The following STAC2 variants were observed in gnomAD, a reference collection of about 807,000 sequenced individuals.
STAC2 encodes SH3 and cysteine-rich domain-containing protein 2.
Under a neutral mutation model 49.0 loss-of-function variants are expected in STAC2, and 36 were observed. The observed-to-expected ratio is 0.74, with a 90% CI of 0.56 to 0.97. The LOEUF is 0.97. Among genes scored for constraint, STAC2 ranks in the 50% least tolerant of loss-of-function variants. The pLI is 0.00. For synonymous variants in STAC2, 239 were observed against 214.7 expected, an observed-to-expected ratio of 1.11 and a Z score of -0.99; for missense variants, 527 against 543.8, an observed-to-expected ratio of 0.97 and a Z score of 0.31.
chr17:39,216,860 A>G lies in STAC2; in HGVS notation c.536T>C (p.Val179Ala). 6.2e-7 allele frequency: 1 copy of G among 1,604,546 alleles called. No individual in the cohort carries two copies. ...FRRNFSSPLL[V>A]HEPPPVCATS... ...GGCACAGACTGGTGGCGGCTCATGC[A>G]CCAGGAGAGGGGAACTGAAGTTGCG... The change falls in exon 4 of 11, where the codon GTG (valine) becomes GCG (alanine). Residue 179 changes from valine to alanine, a missense_variant. Transcript: ENST00000333461.
chr17:39,217,259 G>A (rs1402739230), intron 2 of STAC2, 86 bp from the exon 3 acceptor site: 34 of 1,358,664 alleles, frequency 2.5e-5, no homozygotes, highest in Admixed American at 3.5e-5. Flanking sequence ...AGGAGAGCAG[G>A]GGTTGGGCAT....
intron 7 of STAC2, 99 bp downstream of exon 7, chr17:39,214,692 C>T: frequency 7.2e-7 from 1 of 1,397,256 alleles, no homozygotes; most frequent in Non-Finnish European, 9.8e-7. Context: ...CAGTGAATCC[C>T]CACGCACCAT....
At chr17:39,220,795 C>T (rs886760650) in intron 1 of STAC2, among the ~76,000 whole-genome samples, 2 of 148,636 alleles carry the variant, frequency 1.3e-5, no homozygotes, top group East Asian at 4.0e-4. Context: ...TTTTATTTTA[C>T]TTATTTATTT....
chr17:39,213,496 T>G lies in STAC2; in HGVS notation c.993+11A>C. ...ACCAGTGTCCCTCCACTCCCCACCCTGCCAAGTCACCTTCCACCAGTCCTC... is the reference window on the plus strand; with the variant it reads ...ACCAGTGTCCCTCCACTCCCCACCCGGCCAAGTCACCTTCCACCAGTCCTC... On this transcript the variant is annotated intron_variant, in intron 9 of 10. Coordinates refer to ENST00000333461, the MANE Select transcript of STAC2 (RefSeq NM_198993.5). 6.2e-7 allele frequency: 1 copy of G among 1,613,478 alleles called. No homozygotes were observed. Among genetic ancestry groups the G allele is most frequent in the Non-Finnish European group, 8.5e-7 (1 of 1,179,608 alleles).
At chr17:39,224,444 C>T (rs764916944) in intron 1 of STAC2, among the ~76,000 whole-genome samples, 41 of 152,314 alleles carry the variant, frequency 2.7e-4, no homozygotes, top group Non-Finnish European at 5.3e-4. Context: ...GAACTTCTCG[C>T]GGGCCAGTCG....
intron 10 of STAC2, 41 bp from the exon 11 acceptor site, chr17:39,212,437 G>A (rs537197405): frequency 3.9e-5 from 59 of 1,513,662 alleles, no homozygotes; most frequent in Non-Finnish European, 5.3e-5. Context: ...GGCATGGCCT[G>A]CAGCCCTGGC....
At position 39,216,795 on chromosome 17, in the gene STAC2, A is replaced by T. The variant is rs79482962; in HGVS notation, c.586+15T>A. 1.9e-6 allele frequency: 3 copies of T among 1,569,872 alleles called. No homozygotes were observed. Among genetic ancestry groups the T allele is most frequent in the South Asian group, 2.3e-5 (2 of 85,678 alleles). ...CACAATGGGAGCAGGGACTGCGGCC[A>T]GGGGGGGCACTCACCAGTGGGTGGG... On this transcript the variant is annotated intron_variant, in intron 4 of 10. Coordinates refer to ENST00000333461, the MANE Select transcript of STAC2 (RefSeq NM_198993.5).
intron 3 of STAC2, 59 bp downstream of exon 3, chr17:39,217,017 T>G: frequency 6.2e-7 from 1 of 1,608,440 alleles, no homozygotes. Context: ...ATACTCATTC[T>G]CCCATGTGAC....
intron 1 of STAC2, among the ~76,000 whole-genome samples, chr17:39,220,865 T>C (rs1021063224): frequency 3.4e-4 from 51 of 149,568 alleles, no homozygotes; most frequent in African/African-American, 9.2e-4. Flanking sequence ...GGTGCAATCT[T>C]GGCTCACTGC....
intron 1 of STAC2, among the ~76,000 whole-genome samples, chr17:39,220,952 A>G (rs1323523726): frequency 6.8e-6 from 1 of 147,778 alleles, no homozygotes; most frequent in East Asian, 2.0e-4. Flanking sequence ...GCCCGCCACC[A>G]CGCCTGGCTA....
rs567962667 is a variant in STAC2, at chr17:39,211,901, G to A, written c.*391C>T. ...CCAAGCAGAGGCTCTGTGGGGAGAGGGGTGTGCCAGGCATGCGCAGGTGGT... is the reference window on the plus strand; with the variant it reads ...CCAAGCAGAGGCTCTGTGGGGAGAGAGGTGTGCCAGGCATGCGCAGGTGGT... On this transcript the variant is annotated 3_prime_UTR_variant, in exon 11 of 11. Transcript: ENST00000333461. The A allele has an allele frequency of 3.7e-5, 7 of 190,346 alleles. No homozygotes were observed. The East Asian group carries it at 9.3e-4, about 25-fold the overall frequency. 11.8% of individuals were successfully genotyped at this position (190,346 alleles called of 1,614,324 possible).
Position 39,213,453 on chromosome 17 carries a change from G to A in STAC2, c.993+54C>T, listed in dbSNP as rs564518873. ...GTGGGGGCAGTGCCCATTGGGGGTG[G>A]GGGCTGCTGGGGTGCCTACCAGTGT... On this transcript the variant is annotated intron_variant, in intron 9 of 10. Transcript: ENST00000333461. 985 of 1,606,130 alleles carry A rather than the reference G, an allele frequency of 6.1e-4. 1 individual carries two copies. Among genetic ancestry groups the A allele is most frequent in the Admixed American group, 9.2e-4 (55 of 59,836 alleles).
Position 39,217,849 on chromosome 17 carries a change from C to A in STAC2, c.397+18G>T. ...CGCTGGCCCCTCCCCGTGGCCGCCT[C>A]AGTGCCCAGGCACCTACCTACGATG... On this transcript the variant is annotated intron_variant, in intron 2 of 10. Transcript: ENST00000333461. The A allele has an allele frequency of 6.3e-7, 1 of 1,589,940 alleles. No individual in the cohort carries two copies. The highest frequency in any genetic ancestry group is 1.1e-5 in the South Asian group (1 of 87,626).
chr17:39,218,830 G>A (rs538634066), intron 1 of STAC2, among the ~76,000 whole-genome samples: 15 of 152,132 alleles, frequency 9.9e-5, no homozygotes, highest in East Asian at 1.9e-4. Context: ...GGAGGGAATC[G>A]CTTGAGCCAA....
chr17:39,225,303 CGCGGGCCTCGCG>C lies in STAC2; in HGVS notation c.90+98_90+109del. The stretch of plus-strand genomic sequence containing the variant: ...GAGCGGCGCGGAGCCTCAGTGGTCA[CGCGGGCCTCGCG>C]ACCGCGACCCTAGGACGCCCGGGCC... On this transcript the variant is annotated intron_variant, in intron 1 of 10. Transcript: ENST00000333461. The surrounding 1 kb of genome is among the most constrained non-coding windows in gnomAD (Gnocchi z 8.2). 1.1e-6 allele frequency: 1 copy of C among 878,562 alleles called. No homozygotes were observed. Among genetic ancestry groups the C allele is most frequent in the Non-Finnish European group, 1.7e-6 (1 of 604,824 alleles). The allele number at this position is 878,562 out of a possible 1,614,324, so 54.4% of individuals were successfully genotyped here.
chr17:39,214,681 G>T, intron 7 of STAC2, 110 bp downstream of exon 7: 1 of 1,315,154 alleles, frequency 7.6e-7, no homozygotes, highest in Non-Finnish European at 1.0e-6. Context: ...AAGTGAGGAA[G>T]CAGTGAATCC....
Position 39,215,229 on chromosome 17 carries a change from C to G in STAC2, c.588G>C (p.Gly196=), listed in dbSNP as rs1292194873. Residue 196 remains glycine (G), a splice_region_variant and synonymous_variant, in exon 5 of 11, where the codon GGG becomes GGC. Coordinates refer to ENST00000333461, the MANE Select transcript of STAC2 (RefSeq NM_198993.5). ...CATSKESPPT[G]DSGKVDPVYE... The stretch of plus-strand genomic sequence containing the variant: ...AGACAGGGTCCACCTTCCCACTGTC[C>G]CCTGCAGATTATCCACCCTCAAGGC... 2 of 1,613,698 alleles carry G rather than the reference C, an allele frequency of 1.2e-6. No homozygotes were observed. The highest frequency in any genetic ancestry group is 1.7e-6 in the Non-Finnish European group (2 of 1,179,910).
intron 7 of STAC2, 107 bp downstream of exon 7, chr17:39,214,684 G>A (rs1357040418): frequency 7.4e-7 from 1 of 1,345,700 alleles, no homozygotes; most frequent in African/African-American, 1.5e-5. Context: ...TGAGGAAGCA[G>A]TGAATCCCCA....
chr17:39,213,069 C>T lies in STAC2; in HGVS notation c.1057G>A (p.Glu353Lys), dbSNP rs527344149. Residue 353 changes from glutamate (E) to lysine (K), a missense_variant, in exon 10 of 11, where the codon GAG (glutamate) becomes AAG (lysine). Glu to Lys is a moderately conservative substitution (Grantham distance 56). Coordinates refer to ENST00000333461, the MANE Select transcript of STAC2 (RefSeq NM_198993.5). ...ANFVQRVRPGENVWRCCQPFS... is the reference protein window; with the variant it reads ...ANFVQRVRPGKNVWRCCQPFS... The stretch of plus-strand genomic sequence containing the variant: ...GGTTGGCAGCAGCGCCAAACATTCT[C>T]GCCTGGCCTCACCCGTTGCACAAAA... The T allele has an allele frequency of 4.6e-5, 74 of 1,613,650 alleles. No individual in the cohort carries two copies. Among genetic ancestry groups the T allele is most frequent in the East Asian group, 3.3e-4 (15 of 44,880 alleles).
Sources: allele counts gnomAD v4.1 joint callset (sites outside exome capture counted in the v4.1 genomes callset), GRCh38; gene constraint gnomAD v4.1.1; non-coding constraint Gnocchi (gnomAD v3.1); transcripts MANE v1.5; gene names NCBI Gene and HGNC (gene_info 2026-07-23, HGNC 2026-07-21).